AGMO: variants seen among roughly 807,000 people sequenced by gnomAD.
AGMO encodes alkylglycerol monooxygenase, also known as glyceryl-ether monooxygenase.
In AGMO, 75 loss-of-function variants were observed where a neutral mutation model predicts 60.2. The observed-to-expected ratio is 1.25, with a 90% CI of 1.03 to 1.51. AGMO has a LOEUF of 1.51. Ranked by LOEUF, AGMO falls within the 40% of genes most tolerant of loss-of-function variation. AGMO has a pLI of 0.00. For missense variants in AGMO, 763 were observed against 525.5 expected (o/e 1.45, Z -4.42); for synonymous variants, 261 against 177.1 (o/e 1.47, Z -3.76).
intron 12 of AGMO, among the ~76,000 whole-genome samples, chr7:15,284,867 A>C (rs1197986798): frequency 6.6e-6 from 1 of 152,162 alleles, no homozygotes; most frequent in Admixed American, 6.5e-5. Context: ...ACACATCAAA[A>C]AGATAATAAA....
chr7:15,427,110 A>C (rs1455912148), intron 4 of AGMO, among the ~76,000 whole-genome samples: 1 of 152,200 alleles, frequency 6.6e-6, no homozygotes, highest in Non-Finnish European at 1.5e-5. Context: ...TATCCAGTTA[A>C]AAGTAATATT....
At chr7:15,180,476 G>T in the AGMO span, among the ~76,000 whole-genome samples, 1 of 151,638 alleles carries the variant, frequency 6.6e-6, no homozygotes, top group Non-Finnish European at 1.5e-5. Flanking sequence ...TTAATACTTT[G>T]TTCATTTCTG....
At chr7:15,395,968 A>C (rs144457864) in intron 5 of AGMO, 16 of 152,320 alleles carry the variant, frequency 1.1e-4, no homozygotes, top group African/African-American at 3.8e-4. Flanking sequence ...CAATGTTGCC[A>C]CATATCAAAG....
chr7:15,163,691 T>C, the AGMO span, among the ~76,000 whole-genome samples: 1 of 152,112 alleles, frequency 6.6e-6, no homozygotes, highest in Admixed American at 6.6e-5. Flanking sequence ...TGATGTATTA[T>C]CTTTTTCTTA....
chr7:15,150,805 T>C, the AGMO span, among the ~76,000 whole-genome samples: 1 of 152,166 alleles, frequency 6.6e-6, no homozygotes, highest in Non-Finnish European at 1.5e-5. Context: ...AGTATCAGAA[T>C]GATGCTGGCC....
chr7:15,398,267 T>C (rs568306793), intron 5 of AGMO, among the ~76,000 whole-genome samples: 1 of 152,056 alleles, frequency 6.6e-6, no homozygotes, highest in Non-Finnish European at 1.5e-5. Context: ...CTTGGCTGAG[T>C]GCACTATTTT....
chr7:15,210,408 G>A (rs998763103), intron 12 of AGMO, among the ~76,000 whole-genome samples: 2 of 152,116 alleles, frequency 1.3e-5, no homozygotes, highest in African/African-American at 4.8e-5. Flanking sequence ...TACTTTTTAA[G>A]TCAGATGGAC....
At chr7:15,315,328 CTTTTTT>C (rs1178276622) in intron 12 of AGMO, among the ~76,000 whole-genome samples, 34 of 48,192 alleles carry the variant, frequency 7.1e-4, no homozygotes, top group Admixed American at 1.4e-3. Flanking sequence ...TGGATATTTG[CTTTTTT>C]TTTTTTTTTT....
chr7:15,261,973 C>A (rs969481677), intron 12 of AGMO, among the ~76,000 whole-genome samples: 2 of 151,924 alleles, frequency 1.3e-5, no homozygotes, highest in East Asian at 3.9e-4. Context: ...CTCAGAAAAA[C>A]CAGCATAGAA....
rs191192050 is a variant in AGMO, at chr7:15,521,945, A to C, written c.409+22827T>G. ...AGATGATATGATTGTATATTTAGAA[A>C]ACCCCATCATCTCAGCCCCAAAATG... is the stretch of plus-strand genomic sequence containing the variant. On this transcript the variant is annotated intron_variant, in intron 3 of 12. Coordinates refer to ENST00000342526, the MANE Select transcript of AGMO (RefSeq NM_001004320.2). 2.0e-5 allele frequency among the ~76,000 whole-genome samples: 3 copies of C among 152,316 alleles called. No individual in the cohort carries two copies. The East Asian group carries it at 5.8e-4, about 29-fold the overall frequency.
intron 12 of AGMO, among the ~76,000 whole-genome samples, chr7:15,323,028 C>T (rs954597581): frequency 6.5e-5 from 9 of 139,426 alleles, no homozygotes; most frequent in South Asian, 2.3e-4. Flanking sequence ...TTTTGTAGGT[C>T]GTTATGTACA....
the AGMO span, among the ~76,000 whole-genome samples, chr7:15,172,017 C>T: frequency 2.0e-5 from 3 of 152,170 alleles, no homozygotes; most frequent in Admixed American, 2.0e-4. Context: ...ATAACCACAA[C>T]TCAATGAGAC....
At chr7:15,309,654 T>G (rs886205036) in intron 12 of AGMO, among the ~76,000 whole-genome samples, 1 of 152,156 alleles carries the variant, frequency 6.6e-6, no homozygotes, top group African/African-American at 2.4e-5. Flanking sequence ...TGCATATATA[T>G]GTATGTGTAG....
chr7:15,117,889 C>G, the AGMO span, among the ~76,000 whole-genome samples: 1 of 151,832 alleles, frequency 6.6e-6, no homozygotes, highest in African/African-American at 2.4e-5. Context: ...ATCTGCTGCT[C>G]TCAGTTCTAA....
chr7:15,129,480 C>G, the AGMO span, among the ~76,000 whole-genome samples: 3 of 152,098 alleles, frequency 2.0e-5, no homozygotes, highest in Non-Finnish European at 4.4e-5. Flanking sequence ...GGAAAGGCAA[C>G]TCATTCTGAC....
At chr7:15,212,774 C>T (rs890595543) in intron 12 of AGMO, among the ~76,000 whole-genome samples, 14 of 151,858 alleles carry the variant, frequency 9.2e-5, no homozygotes, top group Admixed American at 8.5e-4. Context: ...TTTACAGTTC[C>T]ACCTTAGGCA....
intron 2 of AGMO, among the ~76,000 whole-genome samples, chr7:15,553,923 C>T (rs1033467910): frequency 6.6e-6 from 1 of 152,040 alleles, no homozygotes; most frequent in Non-Finnish European, 1.5e-5. Flanking sequence ...TAGCATGAAG[C>T]CTAACTTCCC....
At chr7:15,354,762 G>C (rs1782455834) in intron 12 of AGMO, among the ~76,000 whole-genome samples, 1 of 150,734 alleles carries the variant, frequency 6.6e-6, no homozygotes, top group Non-Finnish European at 1.5e-5. Context: ...TATCAAAGAG[G>C]ATCTGCTAAT....
chr7:15,244,525 G>A (rs778106418), intron 12 of AGMO, among the ~76,000 whole-genome samples: 5 of 152,114 alleles, frequency 3.3e-5, no homozygotes, highest in Admixed American at 1.3e-4. Flanking sequence ...TGCAAAGAAC[G>A]CAAATCTTTA....
Sources: allele counts gnomAD v4.1 joint callset (sites outside exome capture counted in the v4.1 genomes callset), GRCh38; gene constraint gnomAD v4.1.1; transcripts MANE v1.5; gene names NCBI Gene and HGNC (gene_info 2026-07-23, HGNC 2026-07-21).